Variants in SVOP observed in about 807,000 individuals in gnomAD.
SVOP encodes synaptic vesicle 2-related protein.
A neutral mutation model predicts 69.1 loss-of-function variants in SVOP; 17 were observed. That is an observed-to-expected ratio of 0.25 (90% CI 0.17 to 0.37). SVOP has a LOEUF of 0.37. Among genes scored for constraint, SVOP ranks in the 10% least tolerant of loss-of-function variants. SVOP has a pLI of 1.00. For synonymous variants in SVOP, 238 were observed against 238.6 expected, an observed-to-expected ratio of 1.00 and a Z score of 0.02; for missense variants, 435 against 597.5, an observed-to-expected ratio of 0.73 and a Z score of 2.84.
chr12:108,940,202 T>C (rs2039882615), intron 8 of SVOP, among the ~76,000 whole-genome samples: 1 of 152,194 alleles, frequency 6.6e-6, no homozygotes, highest in African/African-American at 2.4e-5. Context: ...TTATTATCAT[T>C]ACCAGGAATT....
At chr12:108,988,239 T>C (rs2040177232) in intron 1 of SVOP, among the ~76,000 whole-genome samples, 1 of 152,130 alleles carries the variant, frequency 6.6e-6, no homozygotes, top group South Asian at 2.1e-4. Context: ...GTTTTAAATT[T>C]TGATGTAGCC....
chr12:108,949,571 G>A (rs1022662997), intron 6 of SVOP, among the ~76,000 whole-genome samples: 10 of 152,018 alleles, frequency 6.6e-5, no homozygotes, highest in Non-Finnish European at 1.5e-4. Context: ...TGCCTGGCCT[G>A]CAATCTTTCA....
At chr12:108,961,082 T>C (rs2040015464) in intron 5 of SVOP, 35 bp from the exon 6 acceptor site, 1 of 1,524,570 alleles carries the variant, frequency 6.6e-7, no homozygotes, top group Non-Finnish European at 8.8e-7. Context: ...CACAAGGGCT[T>C]TTCAGCACCT....
intron 7 of SVOP, among the ~76,000 whole-genome samples, chr12:108,941,724 C>A (rs1012555735): frequency 6.6e-6 from 1 of 151,816 alleles, no homozygotes; most frequent in Non-Finnish European, 1.5e-5. Context: ...TATAGTGGCG[C>A]AATCTTGGCT....
chr12:108,995,038 G>A (rs1163374890), intron 1 of SVOP, among the ~76,000 whole-genome samples: 1 of 151,834 alleles, frequency 6.6e-6, no homozygotes, highest in African/African-American at 2.4e-5. Flanking sequence ...CCAGCTACTC[G>A]GGAGGCTGAG....
Position 108,998,197 on chromosome 12 carries a change from A to G in SVOP, c.36-14436T>C, listed in dbSNP as rs575407440. 2.5e-3 allele frequency among the ~76,000 whole-genome samples: 387 copies of G among 152,324 alleles called. 3 individuals carry two copies. The highest frequency in any genetic ancestry group is 8.7e-3 in the African/African-American group (362 of 41,570). On this transcript the variant is annotated intron_variant, in intron 1 of 15. Coordinates refer to ENST00000610966, the MANE Select transcript of SVOP (RefSeq NM_018711.5). ...CTCAGGAGCCGATGCGATCAACTGG[A>G]AGAAAGAGTATCAGCAATGGAAGAT...
intron 11 of SVOP, among the ~76,000 whole-genome samples, chr12:108,929,681 A>T (rs190778926): frequency 7.9e-5 from 12 of 151,802 alleles, no homozygotes; most frequent in African/African-American, 2.7e-4. Context: ...CCATCCACTG[A>T]CTCCCCCACC....
chr12:108,922,613 A>T, intron 12 of SVOP, 77 bp downstream of exon 12: 2 of 1,080,618 alleles, frequency 1.9e-6, no homozygotes, highest in South Asian at 1.3e-5. Context: ...CAGGTAGGGT[A>T]GACAGAGCCA....
At chr12:109,008,224 AT>A (rs1379810177) in intron 1 of SVOP, among the ~76,000 whole-genome samples, 1 of 152,186 alleles carries the variant, frequency 6.6e-6, no homozygotes, top group Non-Finnish European at 1.5e-5. Flanking sequence ...TGTGGAACTG[AT>A]TAAAATGCTG....
At chr12:108,944,980 G>T in intron 7 of SVOP, 123 bp downstream of exon 7, 1 of 829,652 alleles carries the variant, frequency 1.2e-6, no homozygotes, top group Non-Finnish European at 1.9e-6. Context: ...TTACGTCTTT[G>T]CATATTGAGT....
At chr12:108,921,275 G>C (rs1281250493) in intron 12 of SVOP, among the ~76,000 whole-genome samples, 2 of 152,178 alleles carry the variant, frequency 1.3e-5, no homozygotes, top group African/African-American at 4.8e-5. Flanking sequence ...GATAGACAGT[G>C]TAGTATGGGA....
At chr12:108,990,087 C>A (rs1327403739) in intron 1 of SVOP, among the ~76,000 whole-genome samples, 1 of 152,150 alleles carries the variant, frequency 6.6e-6, no homozygotes, top group Non-Finnish European at 1.5e-5. Context: ...GGTAATAGCG[C>A]CTTCAGTCCT....
chr12:109,018,807 G>A (rs2040381790), intron 1 of SVOP, among the ~76,000 whole-genome samples: 1 of 152,186 alleles, frequency 6.6e-6, no homozygotes, highest in African/African-American at 2.4e-5. Context: ...TTTTTCAGAT[G>A]TAATAATAGT....
rs753921790 is a variant in SVOP at position 108,940,788 on chromosome 12, C to T, written c.764G>A (p.Cys255Tyr). Reference sequence around the variant, plus strand: ...AATCTCTTAAAGGATACCTACGAAACACAGCACGGCAAAGAGGAGGAGCGG... The same window carrying T: ...AATCTCTTAAAGGATACCTACGAAATACAGCACGGCAAAGAGGAGGAGCGG... ...AVPLLLFAVLCFWLPESARYD... is the reference protein window; with the variant it reads ...AVPLLLFAVLYFWLPESARYD... Residue 255 changes from cysteine (C) to tyrosine (Y), a missense_variant, in exon 8 of 16, where the codon TGT (cysteine) becomes TAT (tyrosine). By Grantham distance (194) the Cys-to-Tyr change is radical. Coordinates refer to ENST00000610966, the MANE Select transcript of SVOP (RefSeq NM_018711.5). 6.5e-6 allele frequency: 10 copies of T among 1,537,126 alleles called. No individual in the cohort carries two copies. Among genetic ancestry groups the T allele is most frequent in the Non-Finnish European group, 8.7e-6 (10 of 1,146,864 alleles).
chr12:108,957,725 G>A lies in SVOP; in HGVS notation c.578+3198C>T, dbSNP rs577031284. On this transcript the variant is annotated intron_variant, in intron 6 of 15. Coordinates refer to ENST00000610966, the MANE Select transcript of SVOP (RefSeq NM_018711.5). Reference sequence around the variant, plus strand: ...AGCTATGGCCTAAAAGAGGCATGGCGACCAGGGACTCGAATCCCTTAGGCA... The same window carrying A: ...AGCTATGGCCTAAAAGAGGCATGGCAACCAGGGACTCGAATCCCTTAGGCA... Among the ~76,000 whole-genome samples, 7 of 152,344 alleles carry A rather than the reference G, an allele frequency of 4.6e-5. No individual in the cohort carries two copies. In the East Asian group the frequency reaches 5.8e-4, roughly 13 times the overall value.
chr12:108,995,830 G>C (rs574952093), intron 1 of SVOP, among the ~76,000 whole-genome samples: 6 of 151,768 alleles, frequency 4.0e-5, no homozygotes, highest in Non-Finnish European at 8.8e-5. Context: ...GAATCTGGGA[G>C]GGGGGAGGTT....
intron 14 of SVOP, 45 bp from the exon 15 acceptor site, chr12:108,915,917 C>T: frequency 6.7e-7 from 1 of 1,500,082 alleles, no homozygotes; most frequent in Non-Finnish European, 8.9e-7. Context: ...ATGCAGGTTC[C>T]TCCCACCACT....
intron 4 of SVOP, among the ~76,000 whole-genome samples, chr12:108,975,112 T>G (rs1197328712): frequency 6.6e-6 from 1 of 152,202 alleles, no homozygotes; most frequent in Non-Finnish European, 1.5e-5. Flanking sequence ...GATAAAGTGT[T>G]GCCTTTGTTA....
chr12:108,993,154 C>T (rs761888101), intron 1 of SVOP, among the ~76,000 whole-genome samples: 6 of 151,992 alleles, frequency 3.9e-5, no homozygotes, highest in African/African-American at 7.2e-5. Flanking sequence ...ATTACAGGCA[C>T]GCACCACCAC....
Sources: gnomAD v4.1 joint callset for allele counts (sites outside exome capture counted in the v4.1 genomes callset) on GRCh38, gnomAD v4.1.1 for gene constraint, MANE v1.5 for transcripts, NCBI Gene and HGNC (gene_info 2026-07-23, HGNC 2026-07-21) for gene names.